The following BICC1 variants were observed in gnomAD, a reference collection of about 807,000 sequenced individuals.
The protein encoded by BICC1 is protein bicaudal C homolog 1.
In BICC1, 43 loss-of-function variants were observed where a neutral mutation model predicts 111.0. The observed-to-expected ratio is 0.39, with a 90% CI of 0.30 to 0.50. The LOEUF is 0.50. Ranked by LOEUF, BICC1 falls within the 20% of genes least tolerant of loss-of-function variation. The pLI, the probability that BICC1 is intolerant of heterozygous loss-of-function variation, is 0.88. For synonymous variants in BICC1, 467 were observed against 434.4 expected, an observed-to-expected ratio of 1.07 and a Z score of -0.93; for missense variants, 1,091 against 1,203.2, an observed-to-expected ratio of 0.91 and a Z score of 1.38.
intron 1 of BICC1, among the ~76,000 whole-genome samples, chr10:58,587,848 A>G (rs997179352): frequency 1.3e-5 from 2 of 152,134 alleles, no homozygotes; most frequent in African/African-American, 4.8e-5. Context: ...GGGTGTGTTT[A>G]AGGTTAGTAG....
At position 58,712,005 on chromosome 10, in the gene BICC1, A is replaced by G. The variant is rs114111060; in HGVS notation, c.307+9862A>G. ...TATACAAAGAACTTTTTAAAACCTA[A>G]CAATAAGAAAACAACCTGATTTTAA... On this transcript the variant is annotated intron_variant, in intron 3 of 20. Coordinates refer to ENST00000373886, the MANE Select transcript of BICC1 (RefSeq NM_001080512.3). 2.9e-3 allele frequency among the ~76,000 whole-genome samples: 447 copies of G among 152,242 alleles called. 3 individuals are homozygous for G. The highest frequency in any genetic ancestry group is 0.01 in the African/African-American group (426 of 41,552).
At position 58,695,322 on chromosome 10, in the gene BICC1, G is replaced by A. The variant is rs571020261; in HGVS notation, c.238-6752G>A. On this transcript the variant is annotated intron_variant, in intron 2 of 20. Coordinates refer to ENST00000373886, the MANE Select transcript of BICC1 (RefSeq NM_001080512.3). ...AGCTCCCTTCATGGTGAAATGCAGC[G>A]AATAGACTACCAGTCCATTATTAGT... 9.2e-5 allele frequency among the ~76,000 whole-genome samples: 14 copies of A among 152,226 alleles called. No homozygotes were observed. In the East Asian group the frequency reaches 1.2e-3, roughly 13 times the overall value.
At chr10:58,706,382 C>G (rs1298985759) in intron 3 of BICC1, among the ~76,000 whole-genome samples, 1 of 152,200 alleles carries the variant, frequency 6.6e-6, no homozygotes, top group Non-Finnish European at 1.5e-5. Flanking sequence ...ATTTATCACA[C>G]TGGTATATTG....
chr10:58,553,175 C>T (rs763535003), intron 1 of BICC1, among the ~76,000 whole-genome samples: 9 of 152,078 alleles, frequency 5.9e-5, no homozygotes, highest in Non-Finnish European at 8.8e-5. Context: ...ATATTCAAAT[C>T]CCTGGAACTT....
chr10:58,791,664 G>A (rs904217533), intron 8 of BICC1, among the ~76,000 whole-genome samples: 3 of 152,018 alleles, frequency 2.0e-5, no homozygotes, highest in Non-Finnish European at 2.9e-5. Flanking sequence ...TGCTCAAACC[G>A]CGGAGGTGGA....
At chr10:58,741,898 G>A (rs964619283) in intron 3 of BICC1, among the ~76,000 whole-genome samples, 3 of 152,172 alleles carry the variant, frequency 2.0e-5, no homozygotes, top group African/African-American at 7.2e-5. Context: ...CTTGAATACC[G>A]AAGCAGTTTT....
chr10:58,559,912 C>A (rs974089319), intron 1 of BICC1, among the ~76,000 whole-genome samples: 1 of 151,646 alleles, frequency 6.6e-6, no homozygotes, highest in Non-Finnish European at 1.5e-5. Flanking sequence ...TGGGATAAAG[C>A]CCACCTGATC....
At chr10:58,604,382 T>C (rs964558102) in intron 1 of BICC1, among the ~76,000 whole-genome samples, 1 of 152,084 alleles carries the variant, frequency 6.6e-6, no homozygotes, top group East Asian at 1.9e-4. Flanking sequence ...ACAAAAAAAA[T>C]TAAGCGGCTG....
At chr10:58,748,698 G>A (rs1396020399) in intron 3 of BICC1, among the ~76,000 whole-genome samples, 1 of 152,086 alleles carries the variant, frequency 6.6e-6, no homozygotes, top group African/African-American at 2.4e-5. Context: ...AGCATGTAGG[G>A]TATTGTACTC....
intron 1 of BICC1, among the ~76,000 whole-genome samples, chr10:58,574,521 A>G (rs1052953938): frequency 2.6e-5 from 4 of 152,140 alleles, no homozygotes; most frequent in Non-Finnish European, 5.9e-5. Flanking sequence ...TTAATTTTAT[A>G]CATATGCATA....
At chr10:58,594,463 G>C (rs538522163) in intron 1 of BICC1, among the ~76,000 whole-genome samples, 1 of 152,154 alleles carries the variant, frequency 6.6e-6, no homozygotes, top group East Asian at 1.9e-4. Flanking sequence ...AAATATTAAG[G>C]GCAGCCAGAG....
intron 1 of BICC1, among the ~76,000 whole-genome samples, chr10:58,572,805 G>C (rs935633383): frequency 2.6e-5 from 4 of 152,082 alleles, no homozygotes; most frequent in African/African-American, 9.7e-5. Flanking sequence ...GATAGCCAGA[G>C]GTAAACAATA....
intron 3 of BICC1, among the ~76,000 whole-genome samples, chr10:58,710,746 TG>T (rs1564568392): frequency 6.6e-6 from 1 of 152,210 alleles, no homozygotes; most frequent in Non-Finnish European, 1.5e-5. Context: ...TGTGTGTGTG[TG>T]GTTTTTTTCT....
chr10:58,801,003 C>T lies in BICC1; in HGVS notation c.1972C>T (p.Gln658Ter). The stretch of plus-strand genomic sequence containing the variant: ...CTCCAAGGTTTCCTGTGCCAAAAGG[C>T]AGACAGTGGAACTATTGCAAGGCAC... Reference protein sequence around the residue: ...CPSKVSCAKRQTVELLQGTKN... With the variant: ...CPSKVSCAKR Residue 658 changes from glutamine to a stop codon, truncating the protein, a stop_gained, in exon 14 of 21, where the codon CAG becomes TAG. Coordinates refer to ENST00000373886, the MANE Select transcript of BICC1 (RefSeq NM_001080512.3). LOFTEE classifies it high-confidence loss of function. 1 of 1,612,234 alleles carries T rather than the reference C, an allele frequency of 6.2e-7. No individual in the cohort carries two copies. The highest frequency in any genetic ancestry group is 1.3e-5 in the African/African-American group (1 of 74,914).
intron 2 of BICC1, 54 bp downstream of exon 2, chr10:58,620,955 C>T: frequency 6.6e-7 from 1 of 1,515,692 alleles, no homozygotes; most frequent in South Asian, 1.1e-5. Flanking sequence ...ATATACTTAT[C>T]TCAACAGCTA....
intron 9 of BICC1, among the ~76,000 whole-genome samples, chr10:58,794,853 T>G (rs769639739): frequency 1.6e-4 from 25 of 152,212 alleles, no homozygotes; most frequent in Non-Finnish European, 3.2e-4. Context: ...AGATATTGAT[T>G]ACCCTACCTG....
intron 2 of BICC1, among the ~76,000 whole-genome samples, chr10:58,649,728 C>T (rs915295879): frequency 4.6e-5 from 7 of 152,164 alleles, no homozygotes; most frequent in Non-Finnish European, 1.0e-4. Context: ...TCTATTGGTA[C>T]TATTCCATGG....
intron 9 of BICC1, 124 bp downstream of exon 9, chr10:58,793,739 C>A: frequency 1.9e-6 from 2 of 1,052,032 alleles, no homozygotes; most frequent in South Asian, 1.6e-5. Context: ...TGAATATCCC[C>A]AATCCGGAAT....
intron 16 of BICC1, 90 bp from the exon 17 acceptor site, chr10:58,806,914 C>T: frequency 8.7e-7 from 1 of 1,153,302 alleles, no homozygotes. Flanking sequence ...AATTTCTTCA[C>T]ATATATCAAA....
Sources: gnomAD v4.1 joint callset for allele counts (sites outside exome capture counted in the v4.1 genomes callset) on GRCh38, gnomAD v4.1.1 for gene constraint, MANE v1.5 for transcripts, NCBI Gene and HGNC (gene_info 2026-07-23, HGNC 2026-07-21) for gene names.